MEGF6: variants seen among roughly 807,000 people sequenced by gnomAD.
MEGF6 encodes multiple epidermal growth factor-like domains protein 6.
MEGF6 carries 184 observed loss-of-function variants against 207.1 expected under a neutral mutation model. The ratio of observed to expected loss-of-function variants is 0.89; its 90% CI spans 0.79 to 1.00. The LOEUF (loss-of-function observed/expected upper bound fraction) is 1.00. Among genes scored for constraint, MEGF6 ranks in the 50% least tolerant of loss-of-function variants. The probability of loss-of-function intolerance (pLI) is 0.00; values close to 1 mark genes in which losing one functional copy is unlikely to be tolerated. For synonymous variants in MEGF6, 1,038 were observed against 910.0 expected (o/e 1.14, Z -2.53); for missense variants, 2,282 against 2,202.9 (o/e 1.04, Z -0.72).
At position 3,594,924 on chromosome 1, in the gene MEGF6, G is replaced by C. The variant is rs1644035371; in HGVS notation, c.376+414C>G. Among the ~76,000 whole-genome samples, 2 of 151,674 alleles carry C rather than the reference G, an allele frequency of 1.3e-5. No homozygotes were observed. The highest frequency in any genetic ancestry group is 1.3e-4 in the Admixed American group (2 of 15,252). Reference sequence around the variant, plus strand: ...GCCACCCGGCCCGGATTGGCCTTGGGAGAACACGGTATAGGGAAACAGGGC... The same window carrying C: ...GCCACCCGGCCCGGATTGGCCTTGGCAGAACACGGTATAGGGAAACAGGGC... On this transcript the variant is annotated intron_variant, in intron 3 of 36. Transcript: ENST00000356575. The surrounding 1 kb of genome is among the most constrained non-coding windows in gnomAD (Gnocchi z 4.2).
At chr1:3,562,374 G>A (rs1436897754) in intron 4 of MEGF6, among the ~76,000 whole-genome samples, 1 of 151,838 alleles carries the variant, frequency 6.6e-6, no homozygotes, top group Non-Finnish European at 1.5e-5. Context: ...CTCTCTTTGT[G>A]TCTCCCTCTC....
At chr1:3,515,864 C>T (rs1300556983) in intron 5 of MEGF6, among the ~76,000 whole-genome samples, 1 of 152,222 alleles carries the variant, frequency 6.6e-6, no homozygotes, top group African/African-American at 2.4e-5. Flanking sequence ...ACACTAAGCA[C>T]CAGGGGTCTC....
At chr1:3,493,946 G>A in intron 33 of MEGF6, 47 bp from the exon 34 acceptor site, 1 of 1,581,480 alleles carries the variant, frequency 6.3e-7, no homozygotes, top group South Asian at 1.1e-5. Flanking sequence ...CCTGCACCCA[G>A]ACGGGACGGG....
In MEGF6 at chr1:3,560,819, A is replaced by C. The variant is rs1481071313; in HGVS notation, c.481+19006T>G. 2.2e-6 allele frequency: 1 copy of C among 463,202 alleles called. No individual in the cohort carries two copies. The highest frequency in any genetic ancestry group is 4.5e-6 in the Non-Finnish European group (1 of 224,166). 28.7% of individuals were successfully genotyped at this position (463,202 alleles called of 1,614,324 possible). Reference sequence around the variant, plus strand: ...GGCAGCCACCGGAGCAGCCAGGAACAGCCTCAGGCGTCGGCCGCGAGGGGG... The same window carrying C: ...GGCAGCCACCGGAGCAGCCAGGAACCGCCTCAGGCGTCGGCCGCGAGGGGG... On this transcript the variant is annotated intron_variant, in intron 4 of 36. Transcript: ENST00000356575. This position sits in a 1 kb window ranked among gnomAD's most constrained non-coding sequence, Gnocchi z 4.0.
chr1:3,511,641 G>A lies in MEGF6; in HGVS notation c.1023C>T (p.Gly341=). 2 of 1,611,716 alleles carry A rather than the reference G, an allele frequency of 1.2e-6. No individual in the cohort carries two copies. Among genetic ancestry groups the A allele is most frequent in the Non-Finnish European group, 1.7e-6 (2 of 1,179,336 alleles). The change falls in exon 9 of 37, where the codon GGC becomes GGT. Residue 341 remains glycine, a synonymous_variant. Transcript: ENST00000356575. ...TGGTGTGGCTGCAGCCATGGGAGCA[G>A]CCGCCGTTGTTGGCCTCACAGCTGT... ...IVNSCEANNG[G]CSHGCSHTSA...
intron 4 of MEGF6, among the ~76,000 whole-genome samples, chr1:3,567,314 A>G (rs898517716): frequency 6.6e-6 from 1 of 152,150 alleles, no homozygotes; most frequent in Non-Finnish European, 1.5e-5. Context: ...CCCTGAGGCC[A>G]CAGCTCCAGA....
chr1:3,609,670 T>C (rs1644299358), intron 1 of MEGF6, among the ~76,000 whole-genome samples: 4 of 152,150 alleles, frequency 2.6e-5, no homozygotes. Flanking sequence ...GCAACCCATT[T>C]CCACCACTTC....
Position 3,498,346 on chromosome 1 carries a change from C to T in MEGF6, c.3352+25G>A, listed in dbSNP as rs542445276. On this transcript the variant is annotated intron_variant, in intron 26 of 36. Coordinates refer to ENST00000356575, the MANE Select transcript of MEGF6 (RefSeq NM_001409.4). ...CCCCTTCCCAGCAGGGCCTGCAGAC[C>T]CCCCTGCTGCCCCGCCCCACTCACG... 16 of 1,587,016 alleles carry T rather than the reference C, an allele frequency of 1.0e-5. No individual in the cohort carries two copies. In the South Asian group the frequency reaches 1.4e-4, roughly 14 times the overall value.
rs1640322687 is a variant in MEGF6 at position 3,490,791 on chromosome 1, G to T, written c.4564+121C>A. On this transcript the variant is annotated intron_variant, in intron 36 of 36. Transcript: ENST00000356575. ...GGTCTCTGAGCTCCAGATTCCTGGGGCCCAAGGCCCCGGGTGCAGCTGCTG... is the reference window on the plus strand; with the variant it reads ...GGTCTCTGAGCTCCAGATTCCTGGGTCCCAAGGCCCCGGGTGCAGCTGCTG... 5.2e-6 allele frequency: 7 copies of T among 1,350,656 alleles called. No individual in the cohort carries two copies. The East Asian group carries it at 1.8e-4, about 34-fold the overall frequency. The allele number at this position is 1,350,656 out of a possible 1,614,324, so 83.7% of individuals were successfully genotyped here. A position where few individuals can be genotyped will look rare whatever the true frequency, so the allele number is the denominator to read the frequency against.
intron 4 of MEGF6, among the ~76,000 whole-genome samples, chr1:3,545,129 C>A (rs1397645170): frequency 6.6e-6 from 1 of 152,158 alleles, no homozygotes; most frequent in African/African-American, 2.4e-5. Context: ...GTTTCAGGGG[C>A]CGGGGAAGGT....
chr1:3,611,915 T>A (rs1177405908), upstream of MEGF6, among the ~76,000 whole-genome samples: 1 of 151,638 alleles, frequency 6.6e-6, no homozygotes, highest in African/African-American at 2.4e-5. Context: ...CAAAGGCAGC[T>A]CTCTGGGATC....
At position 3,498,624 on chromosome 1, in the gene MEGF6, G is replaced by C. The variant is rs1569946861; in HGVS notation, c.3223+74C>G. On this transcript the variant is annotated intron_variant, in intron 25 of 36. Coordinates refer to ENST00000356575, the MANE Select transcript of MEGF6 (RefSeq NM_001409.4). Reference sequence around the variant, plus strand: ...CAGGGCGCTGCCCCCTGACCTGGGAGCCCTCCTAGGCCTGCAGGCGGGGCT... The same window carrying C: ...CAGGGCGCTGCCCCCTGACCTGGGACCCCTCCTAGGCCTGCAGGCGGGGCT... The C allele has an allele frequency of 3.4e-6, 5 of 1,489,756 alleles. No individual in the cohort carries two copies. In the South Asian group the frequency reaches 6.4e-5, roughly 19 times the overall value. 92.3% of individuals were successfully genotyped at this position (1,489,756 alleles called of 1,614,324 possible). A position where few individuals can be genotyped will look rare whatever the true frequency, so the allele number is the denominator to read the frequency against.
At chr1:3,546,286 G>A (rs1642701605) in intron 4 of MEGF6, among the ~76,000 whole-genome samples, 2 of 152,224 alleles carry the variant, frequency 1.3e-5, no homozygotes, top group South Asian at 4.1e-4. Context: ...GCCAGCCATG[G>A]TGGGGCTGAG....
chr1:3,576,205 C>A (rs1156508479), intron 4 of MEGF6, among the ~76,000 whole-genome samples: 1 of 152,248 alleles, frequency 6.6e-6, no homozygotes, highest in Non-Finnish European at 1.5e-5. Context: ...GGCAGACAGG[C>A]CCGCTTTGTG....
At chr1:3,519,427 G>A (rs1474228062) in intron 5 of MEGF6, among the ~76,000 whole-genome samples, 2 of 152,232 alleles carry the variant, frequency 1.3e-5, no homozygotes, top group African/African-American at 4.8e-5. Context: ...GAGCTGCACG[G>A]CGCACCATGG....
At chr1:3,599,200 G>A (rs916176356) in intron 2 of MEGF6, among the ~76,000 whole-genome samples, 4 of 152,242 alleles carry the variant, frequency 2.6e-5, no homozygotes, top group African/African-American at 7.2e-5. Context: ...CACCGCTGCT[G>A]TGAGCCAGGT....
chr1:3,588,500 GAC>G (rs1284114857), intron 3 of MEGF6, among the ~76,000 whole-genome samples: 3 of 106,700 alleles, frequency 2.8e-5, no homozygotes, highest in African/African-American at 1.1e-4. Flanking sequence ...GAGGGGGCAG[GAC>G]AGGGCAGGAG....
the MEGF6 span, among the ~76,000 whole-genome samples, chr1:3,620,180 T>C: frequency 6.6e-6 from 1 of 152,230 alleles, no homozygotes; most frequent in Admixed American, 6.5e-5. Context: ...TCTGAAAGTG[T>C]ACAGTCATGT....
chr1:3,497,923 C>T (rs981086946), intron 26 of MEGF6, among the ~76,000 whole-genome samples: 2 of 152,294 alleles, frequency 1.3e-5, no homozygotes, highest in South Asian at 4.1e-4. Flanking sequence ...GCAGTGTTGC[C>T]CTTGCATGTC....
Sources: gnomAD v4.1 joint callset for allele counts (sites outside exome capture counted in the v4.1 genomes callset) on GRCh38, gnomAD v4.1.1 for gene constraint, Gnocchi (gnomAD v3.1) non-coding constraint, MANE v1.5 for transcripts, NCBI Gene and HGNC (gene_info 2026-07-23, HGNC 2026-07-21) for gene names.